CCDC171: variants seen among roughly 807,000 people sequenced by gnomAD.
CCDC171 encodes the protein coiled-coil domain-containing protein 171.
In CCDC171, 177 loss-of-function variants were observed where a neutral mutation model predicts 168.2. That is an observed-to-expected ratio of 1.05 (90% CI 0.93 to 1.19). CCDC171 has a LOEUF of 1.19. Ranked by LOEUF, CCDC171 falls within the 50% of genes most tolerant of loss-of-function variation. CCDC171 has a pLI of 0.00. For missense variants in CCDC171, 1,991 were observed against 1,539.0 expected, an observed-to-expected ratio of 1.29 and a Z score of -4.91; for synonymous variants, 687 against 540.8, an observed-to-expected ratio of 1.27 and a Z score of -3.75.
downstream of CCDC171, among the ~76,000 whole-genome samples, chr9:15,975,965 G>T (rs950054451): frequency 6.6e-6 from 1 of 152,098 alleles, no homozygotes; most frequent in African/African-American, 2.4e-5. Flanking sequence ...GAGGTGCAGG[G>T]GTTAGTTTGA....
chr9:15,650,653 C>G (rs1267130957), intron 7 of CCDC171, among the ~76,000 whole-genome samples: 1 of 151,972 alleles, frequency 6.6e-6, no homozygotes, highest in African/African-American at 2.4e-5. Context: ...GTATTTTCTC[C>G]CATTCTTTAG....
chr9:15,708,394 C>T (rs1388703186), intron 11 of CCDC171, among the ~76,000 whole-genome samples: 1 of 152,168 alleles, frequency 6.6e-6, no homozygotes, highest in African/African-American at 2.4e-5. Context: ...ATCAGCTTCC[C>T]TTTGACTTAT....
chr9:15,999,326 AGAAG>A (rs955314974), intron 3 of CCDC171, among the ~76,000 whole-genome samples: 1 of 149,368 alleles, frequency 6.7e-6, no homozygotes, highest in Non-Finnish European at 1.5e-5. Flanking sequence ...AGAAAAGAAA[AGAAG>A]GAGGGAGGAA....
intron 24 of CCDC171, among the ~76,000 whole-genome samples, chr9:15,891,885 C>A (rs1184262777): frequency 6.6e-6 from 1 of 151,992 alleles, no homozygotes; most frequent in Admixed American, 6.6e-5. Flanking sequence ...AGCACTAATA[C>A]GGGAATCACT....
intron 25 of CCDC171, among the ~76,000 whole-genome samples, chr9:15,938,502 G>A (rs1363782329): frequency 6.6e-6 from 1 of 151,724 alleles, no homozygotes; most frequent in Non-Finnish European, 1.5e-5. Flanking sequence ...TGGGTCTATG[G>A]TTAAGGCCTT....
At chr9:15,715,636 T>C (rs2053023641) in intron 11 of CCDC171, among the ~76,000 whole-genome samples, 1 of 152,232 alleles carries the variant, frequency 6.6e-6, no homozygotes, top group African/African-American at 2.4e-5. Context: ...AAAAAAGCTC[T>C]GTCTTTTGTC....
At chr9:15,914,462 T>C (rs1036893742) in intron 24 of CCDC171, among the ~76,000 whole-genome samples, 1 of 152,112 alleles carries the variant, frequency 6.6e-6, no homozygotes, top group Non-Finnish European at 1.5e-5. Context: ...GAAAACCGCC[T>C]TCTCAAGCCT....
intron 3 of CCDC171, among the ~76,000 whole-genome samples, chr9:16,016,786 A>C (rs1833034212): frequency 6.6e-6 from 1 of 152,220 alleles, no homozygotes; most frequent in African/African-American, 2.4e-5. Context: ...CTTCTACTCT[A>C]ATGTAATGAA....
chr9:15,882,551 A>G (rs1308137701), intron 24 of CCDC171, among the ~76,000 whole-genome samples: 1 of 152,120 alleles, frequency 6.6e-6, no homozygotes, highest in East Asian at 1.9e-4. Context: ...CAGTGTTTGG[A>G]AAAACTTATT....
At chr9:15,773,220 A>C (rs2057106018) in intron 18 of CCDC171, among the ~76,000 whole-genome samples, 1 of 152,186 alleles carries the variant, frequency 6.6e-6, no homozygotes, top group African/African-American at 2.4e-5. Context: ...AATGTTTTCA[A>C]GGGACTTTTA....
At chr9:15,796,708 G>T (rs894466003) in intron 21 of CCDC171, among the ~76,000 whole-genome samples, 6 of 151,508 alleles carry the variant, frequency 4.0e-5, no homozygotes, top group African/African-American at 1.5e-4. Context: ...TATGCCCTCA[G>T]GCAAGAGGCA....
the CCDC171 span, among the ~76,000 whole-genome samples, chr9:16,087,254 T>G: frequency 3.3e-5 from 5 of 152,154 alleles, no homozygotes; most frequent in African/African-American, 1.2e-4. Context: ...GTGTTCTTGG[T>G]CCAGAGCTGA....
chr9:15,946,660 G>GA (rs975942640), intron 25 of CCDC171, among the ~76,000 whole-genome samples: 24 of 151,930 alleles, frequency 1.6e-4, no homozygotes, highest in African/African-American at 3.4e-4. Context: ...CACAGAATTG[G>GA]AAAAAAATAC....
intron 3 of CCDC171, among the ~76,000 whole-genome samples, chr9:15,573,132 C>T (rs2040365922): frequency 6.6e-6 from 1 of 152,034 alleles, no homozygotes. Flanking sequence ...TGCACTCCAG[C>T]CTGGGCAACA....
chr9:16,086,310 C>T, the CCDC171 span, among the ~76,000 whole-genome samples: 3 of 141,538 alleles, frequency 2.1e-5, no homozygotes, highest in African/African-American at 8.6e-5. Context: ...TCCCCTTTAT[C>T]ATTTTTTTTT....
chr9:15,662,979 TCAACAACAACAACAACAACAACAA>T (rs139672521), intron 8 of CCDC171, among the ~76,000 whole-genome samples: 3 of 150,122 alleles, frequency 2.0e-5, no homozygotes, highest in Non-Finnish European at 4.4e-5. Flanking sequence ...AGACTTCGTC[TCAACAACAACAACAACAACAACAA>T]CAACAACAAC....
chr9:15,704,774 C>T (rs10962123), intron 11 of CCDC171, among the ~76,000 whole-genome samples: 68,923 of 151,944 alleles, frequency 0.45, 15,987 homozygotes, highest in Non-Finnish European at 0.51. Flanking sequence ...AAGTCCAAGA[C>T]GTTCCAGAAG....
At chr9:15,616,432 A>C (rs1587438148) in intron 6 of CCDC171, among the ~76,000 whole-genome samples, 1 of 151,956 alleles carries the variant, frequency 6.6e-6, no homozygotes, top group Non-Finnish European at 1.5e-5. Flanking sequence ...TAAATAATTT[A>C]TTTTACTATT....
At chr9:15,588,371 C>A in intron 4 of CCDC171, 1 of 253,222 alleles carries the variant, frequency 3.9e-6, no homozygotes, top group Non-Finnish European at 8.2e-6. Flanking sequence ...AAGAGAAAGC[C>A]TGAAGGGGAT....
Sources: allele counts gnomAD v4.1 joint callset (sites outside exome capture counted in the v4.1 genomes callset), GRCh38; gene constraint gnomAD v4.1.1; transcripts MANE v1.5; gene names NCBI Gene and HGNC (gene_info 2026-07-23, HGNC 2026-07-21).